Variants in LRFN5 observed in about 807,000 individuals in gnomAD.
LRFN5 encodes the protein leucine-rich repeat and fibronectin type-III domain-containing protein 5.
A neutral mutation model predicts 45.6 loss-of-function variants in LRFN5; 24 were observed. The observed-to-expected ratio is 0.53, with a 90% CI of 0.38 to 0.74. The LOEUF (loss-of-function observed/expected upper bound fraction) is 0.74. Ranked by LOEUF, LRFN5 falls within the 30% of genes least tolerant of loss-of-function variation. The pLI is 0.00. For synonymous variants in LRFN5, 340 were observed against 313.8 expected, an observed-to-expected ratio of 1.08 and a Z score of -0.88; for missense variants, 776 against 861.5, an observed-to-expected ratio of 0.90 and a Z score of 1.24.
chr14:41,613,182 A>G (rs1887814851), intron 1 of LRFN5, among the ~76,000 whole-genome samples: 1 of 152,108 alleles, frequency 6.6e-6, no homozygotes, highest in South Asian at 2.1e-4. Context: ...TTTCATAGAC[A>G]ATGTTTAAGT....
intron 2 of LRFN5, among the ~76,000 whole-genome samples, chr14:41,820,820 C>T (rs1371663350): frequency 6.6e-6 from 1 of 151,800 alleles, no homozygotes; most frequent in Admixed American, 6.6e-5. Context: ...TTTAATTGTA[C>T]AGATCTTCAC....
chr14:41,632,620 G>A (rs1229225546), intron 1 of LRFN5, among the ~76,000 whole-genome samples: 2 of 152,056 alleles, frequency 1.3e-5, no homozygotes, highest in South Asian at 2.1e-4. Flanking sequence ...AAAAATAAAA[G>A]TATGTGTTGT....
At chr14:41,841,956 G>C (rs1022779571) in intron 2 of LRFN5, among the ~76,000 whole-genome samples, 1 of 151,722 alleles carries the variant, frequency 6.6e-6, no homozygotes, top group African/African-American at 2.4e-5. Flanking sequence ...TATTATATAT[G>C]CTATTGAGGT....
chr14:41,660,430 C>T (rs1183473125), intron 1 of LRFN5, among the ~76,000 whole-genome samples: 6 of 152,072 alleles, frequency 3.9e-5, no homozygotes, highest in Non-Finnish European at 7.4e-5. Context: ...CGATGGATTA[C>T]AATTGTATCC....
intron 2 of LRFN5, among the ~76,000 whole-genome samples, chr14:41,835,729 G>GCAAAACAAAA (rs150575318): frequency 6.6e-6 from 1 of 151,792 alleles, no homozygotes; most frequent in African/African-American, 2.4e-5. Flanking sequence ...CACGTCTCAA[G>GCAAAACAAAA]CAAAACAAAA....
At chr14:41,615,125 T>G (rs1416369192) in intron 1 of LRFN5, among the ~76,000 whole-genome samples, 1 of 152,130 alleles carries the variant, frequency 6.6e-6, no homozygotes, top group Non-Finnish European at 1.5e-5. Context: ...TAAGTTCTCC[T>G]GACATATATA....
At chr14:41,801,844 C>T (rs1324546030) in intron 2 of LRFN5, among the ~76,000 whole-genome samples, 3 of 152,112 alleles carry the variant, frequency 2.0e-5, no homozygotes, top group Non-Finnish European at 4.4e-5. Context: ...GGACGAGTCT[C>T]ATCTTACTTG....
intron 1 of LRFN5, among the ~76,000 whole-genome samples, chr14:41,645,967 GTTTTA>G (rs957640971): frequency 3.3e-5 from 5 of 151,974 alleles, no homozygotes; most frequent in South Asian, 2.1e-4. Context: ...TTTTAAAATT[GTTTTA>G]TTTTATTTTA....
chr14:41,890,496 A>T (rs964861778), intron 3 of LRFN5, among the ~76,000 whole-genome samples: 14 of 151,486 alleles, frequency 9.2e-5, no homozygotes, highest in African/African-American at 3.4e-4. Flanking sequence ...TCATGAGGTC[A>T]GGAGATCGAG....
chr14:41,756,801 G>A (rs541802726), intron 1 of LRFN5, among the ~76,000 whole-genome samples: 73 of 152,282 alleles, frequency 4.8e-4, no homozygotes, highest in Admixed American at 1.4e-3. Context: ...TGCTGGTGAG[G>A]AGCTGCATTC....
intron 2 of LRFN5, among the ~76,000 whole-genome samples, chr14:41,813,705 C>A (rs1305602463): frequency 6.6e-6 from 1 of 152,114 alleles, no homozygotes; most frequent in Non-Finnish European, 1.5e-5. Flanking sequence ...TGGCTATATA[C>A]CCAGTAATGG....
At chr14:41,770,263 TA>T (rs2042274583) in intron 2 of LRFN5, among the ~76,000 whole-genome samples, 2 of 152,178 alleles carry the variant, frequency 1.3e-5, no homozygotes, top group African/African-American at 2.4e-5. Context: ...TTGGAGGGGA[TA>T]ATCATCCAAA....
intron 2 of LRFN5, among the ~76,000 whole-genome samples, chr14:41,875,543 A>G (rs1172186231): frequency 6.6e-6 from 1 of 152,242 alleles, no homozygotes; most frequent in Non-Finnish European, 1.5e-5. Context: ...TATACCAATT[A>G]AAGAATACTG....
chr14:41,841,215 A>C (rs920587504), intron 2 of LRFN5, among the ~76,000 whole-genome samples: 2 of 151,940 alleles, frequency 1.3e-5, no homozygotes, highest in African/African-American at 4.8e-5. Flanking sequence ...TTTACAGGCA[A>C]TTATAGAAAT....
intron 1 of LRFN5, among the ~76,000 whole-genome samples, chr14:41,718,422 G>A (rs1883578439): frequency 6.6e-6 from 1 of 152,098 alleles, no homozygotes; most frequent in African/African-American, 2.4e-5. Context: ...GTTTGACATG[G>A]ATTAAAAAGG....
At chr14:41,691,659 G>A (rs1412599523) in intron 1 of LRFN5, among the ~76,000 whole-genome samples, 3 of 151,882 alleles carry the variant, frequency 2.0e-5, no homozygotes, top group Non-Finnish European at 4.4e-5. Context: ...TGATGAGTTT[G>A]GCGATTTTTT....
intron 1 of LRFN5, among the ~76,000 whole-genome samples, chr14:41,646,059 G>A (rs1270584341): frequency 6.6e-6 from 1 of 152,086 alleles, no homozygotes; most frequent in Non-Finnish European, 1.5e-5. Flanking sequence ...ATCATGTATA[G>A]TGATCAGATC....
At chr14:41,745,712 A>G (rs1479767839) in intron 1 of LRFN5, among the ~76,000 whole-genome samples, 1 of 152,058 alleles carries the variant, frequency 6.6e-6, no homozygotes, top group Non-Finnish European at 1.5e-5. Context: ...CTACAGAAAT[A>G]AAAAGGATTA....
intron 1 of LRFN5, among the ~76,000 whole-genome samples, chr14:41,702,728 G>A (rs1364772525): frequency 6.6e-6 from 1 of 151,694 alleles, no homozygotes; most frequent in African/African-American, 2.4e-5. Context: ...GCCTCTCAAA[G>A]CTCTGGGACT....
Sources: gnomAD v4.1 joint callset for allele counts (sites outside exome capture counted in the v4.1 genomes callset) on GRCh38, gnomAD v4.1.1 for gene constraint, MANE v1.5 for transcripts, NCBI Gene and HGNC (gene_info 2026-07-23, HGNC 2026-07-21) for gene names.